Variants in ATP8A2 observed in about 807,000 individuals in gnomAD.
ATP8A2 encodes the protein phospholipid-transporting ATPase IB.
ATP8A2 carries 100 observed loss-of-function variants against 165.6 expected under a neutral mutation model. The ratio of observed to expected loss-of-function variants is 0.60; its 90% CI spans 0.51 to 0.71. The LOEUF (loss-of-function observed/expected upper bound fraction) is 0.71, where lower values mean the gene tolerates loss of function less well. Among genes scored for constraint, ATP8A2 ranks in the 30% least tolerant of loss-of-function variants. The probability of loss-of-function intolerance (pLI) is 0.00; values close to 1 mark genes in which losing one functional copy is unlikely to be tolerated. For synonymous variants in ATP8A2, 543 were observed against 548.8 expected (o/e 0.99, Z 0.15); for missense variants, 1,227 against 1,479.5 (o/e 0.83, Z 2.80).
rs138112684 is a variant in ATP8A2, at chr13:25,813,205, A to G, written c.2680-14913A>G. 4.6e-3 allele frequency among the ~76,000 whole-genome samples: 696 copies of G among 152,224 alleles called. 4 individuals carry two copies. Among genetic ancestry groups the G allele is most frequent in the African/African-American group, 0.016 (660 of 41,512 alleles). On this transcript the variant is annotated intron_variant, in intron 27 of 36. Transcript: ENST00000381655. The stretch of plus-strand genomic sequence containing the variant: ...CCTGCACATCCTGCGCATGTACCCC[A>G]GAACTTAAAATAAAATTAAAAAAAA...
chr13:25,378,944 A>G (rs7328148), intron 1 of ATP8A2, among the ~76,000 whole-genome samples: 59,414 of 152,098 alleles, frequency 0.39, 11,855 homozygotes, highest in African/African-American at 0.45. Flanking sequence ...CATCCCTCTG[A>G]GAAATATATT....
At chr13:25,691,834 A>G (rs528717020) in intron 24 of ATP8A2, among the ~76,000 whole-genome samples, 1 of 152,362 alleles carries the variant, frequency 6.6e-6, no homozygotes, top group Non-Finnish European at 1.5e-5. Context: ...TTATGTAATT[A>G]CTTCGGCTTC....
intron 33 of ATP8A2, among the ~76,000 whole-genome samples, chr13:25,894,984 G>A (rs912424044): frequency 6.6e-6 from 1 of 152,164 alleles, no homozygotes; most frequent in African/African-American, 2.4e-5. Flanking sequence ...CTGCAAACAG[G>A]GAGAATTTGA....
chr13:26,005,956 G>T (rs181529292), intron 35 of ATP8A2, among the ~76,000 whole-genome samples: 1 of 151,846 alleles, frequency 6.6e-6, no homozygotes, highest in Non-Finnish European at 1.5e-5. Flanking sequence ...CTATGACTTT[G>T]TTCTTTTTTC....
intron 36 of ATP8A2, among the ~76,000 whole-genome samples, chr13:26,012,965 G>C (rs1260639485): frequency 1.3e-5 from 2 of 152,100 alleles, no homozygotes; most frequent in Non-Finnish European, 2.9e-5. Flanking sequence ...GTTTTGTGTA[G>C]TGTTGCCATA....
At chr13:25,643,355 C>T (rs1387288458) in intron 24 of ATP8A2, among the ~76,000 whole-genome samples, 1 of 152,038 alleles carries the variant, frequency 6.6e-6, no homozygotes, top group Non-Finnish European at 1.5e-5. Flanking sequence ...TGTTGATGGA[C>T]ATTTGGGTTG....
intron 1 of ATP8A2, among the ~76,000 whole-genome samples, chr13:25,406,836 A>T (rs979121815): frequency 6.6e-6 from 1 of 152,272 alleles, no homozygotes; most frequent in Non-Finnish European, 1.5e-5. Context: ...AAACCGTTGT[A>T]TAGCTAATGC....
chr13:25,383,296 C>G (rs573395534), intron 1 of ATP8A2, among the ~76,000 whole-genome samples: 6 of 149,330 alleles, frequency 4.0e-5, no homozygotes, highest in East Asian at 2.0e-4. Context: ...GTAGAGACGG[C>G]GTTTCACCAT....
intron 33 of ATP8A2, among the ~76,000 whole-genome samples, chr13:25,959,815 C>A (rs979200960): frequency 6.6e-6 from 1 of 152,238 alleles, no homozygotes; most frequent in Non-Finnish European, 1.5e-5. Flanking sequence ...GATAGACTAG[C>A]ACTCTTGTGA....
rs149226702 is a variant in ATP8A2 at position 25,833,980 on chromosome 13, A to G, written c.2755-3183A>G. On this transcript the variant is annotated intron_variant, in intron 28 of 36. Coordinates refer to ENST00000381655, the MANE Select transcript of ATP8A2 (RefSeq NM_016529.6). ...ATAAGCCATGGATAGAAAGTAGACAAAAGACATGAGTAGACATTTCACAGA... is the reference window on the plus strand; with the variant it reads ...ATAAGCCATGGATAGAAAGTAGACAGAAGACATGAGTAGACATTTCACAGA... 1.8e-3 allele frequency among the ~76,000 whole-genome samples: 278 copies of G among 152,380 alleles called. 1 individual carries two copies. Among genetic ancestry groups the G allele is most frequent in the African/African-American group, 6.3e-3 (263 of 41,600 alleles).
intron 27 of ATP8A2, among the ~76,000 whole-genome samples, chr13:25,814,993 C>T (rs1273297622): frequency 3.3e-5 from 5 of 151,852 alleles, no homozygotes; most frequent in African/African-American, 9.7e-5. Flanking sequence ...GTGATTATAC[C>T]ACTGCATTCC....
chr13:25,882,113 G>A (rs180719179), intron 33 of ATP8A2, among the ~76,000 whole-genome samples: 20 of 152,286 alleles, frequency 1.3e-4, no homozygotes, highest in African/African-American at 2.9e-4. Context: ...TCTGTTTCCC[G>A]CAGGGCTCAG....
At position 25,953,099 on chromosome 13, in the gene ATP8A2, G is replaced by A. The variant is rs922389998; in HGVS notation, c.3184-8476G>A. ...TCTTCCAAATCCGATTGTCCTGACA[G>A]GTTTTGTTTTATTTTGTTGTTGTGT... On this transcript the variant is annotated intron_variant, in intron 33 of 36. Transcript: ENST00000381655. The surrounding 1 kb of genome is among the most constrained non-coding windows in gnomAD (Gnocchi z 6.7). Among the ~76,000 whole-genome samples the A allele has an allele frequency of 1.3e-5, 2 of 152,186 alleles. No individual in the cohort carries two copies. The highest frequency in any genetic ancestry group is 4.8e-5 in the African/African-American group (2 of 41,454).
chr13:25,490,173 C>T (rs1181863273), intron 2 of ATP8A2, among the ~76,000 whole-genome samples: 1 of 152,130 alleles, frequency 6.6e-6, no homozygotes, highest in Non-Finnish European at 1.5e-5. Context: ...AGTTCGTGGC[C>T]CCTTTTTCCT....
intron 2 of ATP8A2, among the ~76,000 whole-genome samples, chr13:25,500,453 G>C (rs7985952): frequency 1 from 152,375 of 152,382 alleles, 76,184 homozygotes; most frequent in Middle Eastern, 1. Context: ...TAGTGTTACA[G>C]TGCAGACAGG....
intron 11 of ATP8A2, among the ~76,000 whole-genome samples, chr13:25,552,501 A>G (rs941135303): frequency 6.6e-6 from 1 of 152,186 alleles, no homozygotes; most frequent in Non-Finnish European, 1.5e-5. Flanking sequence ...TTGGGAATAT[A>G]TAATTATACT....
At chr13:25,585,459 A>G (rs1214585248) in intron 23 of ATP8A2, among the ~76,000 whole-genome samples, 2 of 152,174 alleles carry the variant, frequency 1.3e-5, no homozygotes, top group Admixed American at 6.5e-5. Context: ...TAAAGTAATT[A>G]AGTTGGCATT....
chr13:25,591,172 A>T (rs2040065679), intron 24 of ATP8A2: 5 of 413,508 alleles, frequency 1.2e-5, no homozygotes, highest in Non-Finnish European at 2.0e-5. Context: ...AATTGTTGTG[A>T]AATACATCAT....
chr13:25,783,836 A>G (rs751041502), intron 27 of ATP8A2, among the ~76,000 whole-genome samples: 1 of 152,172 alleles, frequency 6.6e-6, no homozygotes, highest in Non-Finnish European at 1.5e-5. Context: ...CTGCGGTTTT[A>G]TATTTCAGTC....
Sources: allele counts gnomAD v4.1 joint callset (sites outside exome capture counted in the v4.1 genomes callset), GRCh38; gene constraint gnomAD v4.1.1; non-coding constraint Gnocchi (gnomAD v3.1); transcripts MANE v1.5; gene names NCBI Gene and HGNC (gene_info 2026-07-23, HGNC 2026-07-21).